Variants in KIF1B observed in about 807,000 individuals in gnomAD.
KIF1B encodes kinesin-like protein KIF1B.
In KIF1B, 76 loss-of-function variants were observed where a neutral mutation model predicts 241.9. That is an observed-to-expected ratio of 0.31 (90% CI 0.26 to 0.38). The LOEUF (loss-of-function observed/expected upper bound fraction) is 0.38. Ranked by LOEUF, KIF1B falls within the 10% of genes least tolerant of loss-of-function variation. KIF1B has a pLI of 1.00. For missense variants in KIF1B, 1,622 were observed against 2,271.4 expected (o/e 0.71, Z 5.81); for synonymous variants, 750 against 796.7 (o/e 0.94, Z 0.99).
intron 27 of KIF1B, among the ~76,000 whole-genome samples, chr1:10,329,383 TC>T (rs1195664257): frequency 6.6e-6 from 1 of 152,224 alleles, no homozygotes; most frequent in Non-Finnish European, 1.5e-5. Context: ...TTTTTGTGAT[TC>T]ACAAGATTGG....
At chr1:10,363,457 C>A in intron 41 of KIF1B, 113 bp downstream of exon 41, 1 of 882,988 alleles carries the variant, frequency 1.1e-6, no homozygotes, top group South Asian at 1.3e-5. Context: ...TTTGGGAGGC[C>A]AAGGCGGGTG....
intron 1 of KIF1B, among the ~76,000 whole-genome samples, chr1:10,218,466 G>T (rs1284566019): frequency 1.3e-5 from 2 of 151,862 alleles, no homozygotes; most frequent in Admixed American, 1.3e-4. Context: ...TGTCATCCAG[G>T]CTAGAGTGCA....
chr1:10,274,237 C>T (rs1413883420), intron 10 of KIF1B, among the ~76,000 whole-genome samples: 1 of 152,104 alleles, frequency 6.6e-6, no homozygotes, highest in Non-Finnish European at 1.5e-5. Context: ...TGTGCCCGGC[C>T]TCCCCTTAAT....
intron 5 of KIF1B, 46 bp downstream of exon 5, chr1:10,262,016 C>T (rs1648178510): frequency 7.8e-7 from 1 of 1,289,132 alleles, no homozygotes; most frequent in African/African-American, 1.5e-5. Context: ...GTTTTCCATT[C>T]TCTCAAGCAT....
intron 22 of KIF1B, 106 bp downstream of exon 22, chr1:10,297,352 T>C: frequency 1.1e-6 from 1 of 901,134 alleles, no homozygotes; most frequent in Non-Finnish European, 1.9e-6. Context: ...GTCTCAATGA[T>C]ACCAAGCACT....
rs1183375976 is a variant in KIF1B at position 10,271,584 on chromosome 1, T to A, written c.798+5T>A. The A allele has an allele frequency of 6.2e-7, 1 of 1,606,116 alleles. No homozygotes were observed. Among genetic ancestry groups the A allele is most frequent in the South Asian group, 1.1e-5 (1 of 90,920 alleles). ...GCCAAAGGGACTCGATTAAAGGTATTTATTTTAGCAAATAAATGGCCTGAT... is the reference window on the plus strand; with the variant it reads ...GCCAAAGGGACTCGATTAAAGGTATATATTTTAGCAAATAAATGGCCTGAT... On this transcript the variant is annotated splice_donor_5th_base_variant and intron_variant, in intron 8 of 48. Transcript: ENST00000676179.
rs1231689701 is a variant in KIF1B, at chr1:10,217,366, G to A, written c.-80+6488G>A. On this transcript the variant is annotated intron_variant, in intron 1 of 48. Coordinates refer to ENST00000676179, the MANE Select transcript of KIF1B (RefSeq NM_001365951.3). ...TTCTTTTTTTTTTTTTTTTGAGACA[G>A]CCTTGCTGTGTCTCCCAGGCTGGGG... Among the ~76,000 whole-genome samples, 4 of 138,584 alleles carry A rather than the reference G, an allele frequency of 2.9e-5. No homozygotes were observed. The East Asian group carries it at 8.3e-4, about 29-fold the overall frequency. The allele number at this position is 138,584 out of a possible 152,430, so 90.9% of individuals were successfully genotyped here.
chr1:10,235,566 A>T (rs1647039201), intron 2 of KIF1B, among the ~76,000 whole-genome samples: 1 of 152,204 alleles, frequency 6.6e-6, no homozygotes, highest in Non-Finnish European at 1.5e-5. Context: ...AAAAAGGATT[A>T]TTAAAAAGTA....
chr1:10,342,883 C>T (rs1652453581), intron 33 of KIF1B, among the ~76,000 whole-genome samples: 2 of 152,090 alleles, frequency 1.3e-5, no homozygotes, highest in Admixed American at 1.3e-4. Context: ...TGGTAATGAC[C>T]AGCAAGAGGA....
intron 22 of KIF1B, among the ~76,000 whole-genome samples, chr1:10,300,939 A>G (rs1433693076): frequency 6.6e-6 from 1 of 152,232 alleles, no homozygotes; most frequent in Non-Finnish European, 1.5e-5. Flanking sequence ...GTCAATAGAA[A>G]TAATACAAAT....
chr1:10,219,768 AAAAT>A (rs1646816133), intron 1 of KIF1B, among the ~76,000 whole-genome samples: 2 of 150,850 alleles, frequency 1.3e-5, no homozygotes, highest in Admixed American at 1.3e-4. Context: ...AAAAAAATAA[AAAAT>A]AAAGACTTAC....
Position 10,371,119 on chromosome 1 carries a change from G to A in KIF1B, c.4825-22G>A, listed in dbSNP as rs748723693. 13 of 1,613,978 alleles carry A rather than the reference G, an allele frequency of 8.1e-6. No homozygotes were observed. The Admixed American group carries it at 1.7e-4, about 21-fold the overall frequency. The stretch of plus-strand genomic sequence containing the variant: ...AGCTTTTTTCAGCTGAATGTAACTT[G>A]TAGTGTTCGGTTTGCTTCCAGTTGT... On this transcript the variant is annotated intron_variant, in intron 44 of 48. Coordinates refer to ENST00000676179, the MANE Select transcript of KIF1B (RefSeq NM_001365951.3).
At chr1:10,306,556 C>A in intron 22 of KIF1B, 1 of 521,158 alleles carries the variant, frequency 1.9e-6, no homozygotes, top group Non-Finnish European at 2.6e-6. Flanking sequence ...GGCTGTGGTA[C>A]ACTATGCCAG....
intron 17 of KIF1B, among the ~76,000 whole-genome samples, chr1:10,293,136 A>G (rs78179366): frequency 1.3e-5 from 2 of 151,966 alleles, no homozygotes; most frequent in East Asian, 3.9e-4. Flanking sequence ...TCAACAGAAA[A>G]GACTGATGTA....
At chr1:10,357,095 G>A (rs907632659) in intron 38 of KIF1B, among the ~76,000 whole-genome samples, 2 of 152,046 alleles carry the variant, frequency 1.3e-5, no homozygotes, top group African/African-American at 2.4e-5. Context: ...GCCCACGCTG[G>A]CCTCAAATTC....
At chr1:10,270,387 A>G (rs1236012696) in intron 7 of KIF1B, among the ~76,000 whole-genome samples, 1 of 152,130 alleles carries the variant, frequency 6.6e-6, no homozygotes, top group Non-Finnish European at 1.5e-5. Context: ...AGTGATTTTG[A>G]GATTCATCTA....
chr1:10,215,165 TATATA>T (rs1327155586), intron 1 of KIF1B, among the ~76,000 whole-genome samples: 84 of 59,050 alleles, frequency 1.4e-3, no homozygotes, highest in East Asian at 9.2e-3. Context: ...TATATATATA[TATATA>T]TATTTTTTTT....
At chr1:10,281,342 A>G (rs1649396279) in intron 14 of KIF1B, among the ~76,000 whole-genome samples, 1 of 152,166 alleles carries the variant, frequency 6.6e-6, no homozygotes, top group African/African-American at 2.4e-5. Context: ...CTAATGAAAG[A>G]AAGTAATGAA....
chr1:10,377,928 T>G lies in KIF1B; in HGVS notation c.*1341T>G, dbSNP rs1638930620. 1 of 211,426 alleles carries G rather than the reference T, an allele frequency of 4.7e-6. No individual in the cohort carries two copies. The highest frequency in any genetic ancestry group is 2.3e-5 in the African/African-American group (1 of 43,364). The allele number at this position is 211,426 out of a possible 1,614,324, so 13.1% of individuals were successfully genotyped here. A position where few individuals can be genotyped will look rare whatever the true frequency, so the allele number is the denominator to read the frequency against. ...TCCAGCCTGGGTGACAGAGCAAGAC[T>G]CTGCCTCAGAAAAAAAAAAAAATAA... On this transcript the variant is annotated 3_prime_UTR_variant, in exon 49 of 49. Transcript: ENST00000676179.
Sources: gnomAD v4.1 joint callset for allele counts (sites outside exome capture counted in the v4.1 genomes callset) on GRCh38, gnomAD v4.1.1 for gene constraint, MANE v1.5 for transcripts, NCBI Gene and HGNC (gene_info 2026-07-23, HGNC 2026-07-21) for gene names.